The following KMT2D variants were observed in gnomAD, a reference collection of about 807,000 sequenced individuals.
The protein encoded by KMT2D is lysine methyltransferase 2D.
In KMT2D, 55 loss-of-function variants were observed where a neutral mutation model predicts 512.7. The ratio of observed to expected loss-of-function variants is 0.11; its 90% CI spans 0.09 to 0.13. The LOEUF (loss-of-function observed/expected upper bound fraction) is 0.13. Ranked by LOEUF, KMT2D falls within the 10% of genes least tolerant of loss-of-function variation. KMT2D has a pLI of 1.00. For synonymous variants in KMT2D, 2,995 were observed against 2,904.0 expected (o/e 1.03, Z -1.01); for missense variants, 6,061 against 7,127.9 (o/e 0.85, Z 5.39).
Position 49,020,117 on chromosome 12 carries a change from A to C in KMT2D, c.*1663T>G. ...CCCCAGGAAGAGGTTCAACTGCAGC[A>C]CAAGCTTGGGCAGAAAGGGGAAGGA... On this transcript the variant is annotated 3_prime_UTR_variant, in exon 55 of 55. Coordinates refer to ENST00000301067, the MANE Select transcript of KMT2D (RefSeq NM_003482.4). 1 of 187,768 alleles carries C rather than the reference A, an allele frequency of 5.3e-6. No homozygotes were observed. The highest frequency in any genetic ancestry group is 2.3e-5 in the African/African-American group (1 of 42,834). The allele number at this position is 187,768 out of a possible 1,614,324, so 11.6% of individuals were successfully genotyped here. A position where few individuals can be genotyped will look rare whatever the true frequency, so the allele number is the denominator to read the frequency against.
In KMT2D at chr12:49,044,798, G is replaced by A. The variant is rs745619714; in HGVS notation, c.4909C>T (p.Pro1637Ser). 6.2e-7 allele frequency: 1 copy of A among 1,614,006 alleles called. No homozygotes were observed. The highest frequency in any genetic ancestry group is 1.1e-5 in the South Asian group (1 of 91,086). Residue 1637 changes from proline to serine, a missense_variant, in exon 20 of 55, where the codon CCT (proline) becomes TCT (serine). Physicochemically the swap from Pro to Ser is moderately conservative, Grantham distance 74. Coordinates refer to ENST00000301067, the MANE Select transcript of KMT2D (RefSeq NM_003482.4). This position sits in a 1 kb window ranked among gnomAD's most constrained non-coding sequence, Gnocchi z 6.4. ...AGGTCCCCATCCTTCTTGTCATCAGGGCCAAGGGCATCTGAGGGCTCAGAA... is the reference window on the plus strand; with the variant it reads ...AGGTCCCCATCCTTCTTGTCATCAGAGCCAAGGGCATCTGAGGGCTCAGAA... ...EGSEPSDALG[P>S]DDKKDGDLDT...
chr12:49,032,100 T>C lies in KMT2D; in HGVS notation c.12605A>G (p.Gln4202Arg), dbSNP rs1276517318. The C allele has an allele frequency of 1.9e-6, 3 of 1,613,836 alleles. No individual in the cohort carries two copies. The highest frequency in any genetic ancestry group is 1.1e-5 in the South Asian group (1 of 91,088). ...CTGTGGGTTTTTGGCCAGGACTCCT[T>C]GGAGCTGTGCTCGAAGCTGACCCAC... The part of the protein sequence containing the change: ...PTVGQLRAQL[Q>R]GVLAKNPQLR... The change falls in exon 40 of 55, where the codon CAA (glutamine) becomes CGA (arginine). Residue 4202 changes from glutamine to arginine, a missense_variant. By Grantham distance (43) the Gln-to-Arg change is conservative. Transcript: ENST00000301067.
At position 49,027,240 on chromosome 12, in the gene KMT2D, G is replaced by T; in HGVS notation, c.14726C>A (p.Pro4909Gln). 1 of 1,551,538 alleles carries T rather than the reference G, an allele frequency of 6.4e-7. No individual in the cohort carries two copies. The highest frequency in any genetic ancestry group is 8.7e-7 in the Non-Finnish European group (1 of 1,152,304). Residue 4909 changes from proline (P) to glutamine (Q), a missense_variant, in exon 49 of 55, where the codon CCA becomes CAA. Physicochemically the swap from Pro to Gln is moderately conservative, Grantham distance 76. This residue lies in a region of KMT2D where 1,600 missense variants were observed against 1,754.9 expected (regional missense o/e 0.91). Coordinates refer to ENST00000301067, the MANE Select transcript of KMT2D (RefSeq NM_003482.4). ...GGGCGGGGAGGGTTCTTCAGGAGGT[G>T]GGGCCGAGAGCTGTCGCACATCCAG... ...SNLDVRQLSA[P>Q]PPEEPSPPPS...
intron 45 of KMT2D, 36 bp from the exon 46 acceptor site, chr12:49,028,994 C>T (rs544428492): frequency 3.0e-5 from 49 of 1,610,554 alleles, no homozygotes; most frequent in South Asian, 1.4e-4. Flanking sequence ...AACACTTGGC[C>T]GCCTCTCCCC....
Position 49,031,821 on chromosome 12 carries a change from G to A in KMT2D, c.12884C>T (p.Ala4295Val), listed in dbSNP as rs2120425345. The A allele has an allele frequency of 1.3e-6, 2 of 1,566,672 alleles. No homozygotes were observed. Among genetic ancestry groups the A allele is most frequent in the Non-Finnish European group, 1.7e-6 (2 of 1,155,754 alleles). The change falls in exon 40 of 55, where the codon GCC (alanine) becomes GTC (valine). Residue 4295 changes from alanine to valine, a missense_variant. Transcript: ENST00000301067. ...GCCAAGGACTGGTCCTGTAGATAAG[G>A]CTCCTGGTGGGGCAGGGAGCCGGGG... ...GPPRLPAPPG[A>V]LSTGPVLGPV...
In KMT2D at chr12:49,054,159, A is replaced by T. The variant is rs2120705341; in HGVS notation, c.511-19T>A. On this transcript the variant is annotated intron_variant, in intron 5 of 54. Transcript: ENST00000301067. This position sits in a 1 kb window ranked among gnomAD's most constrained non-coding sequence, Gnocchi z 6.4. ...AGCAGCGCTGCCAGGGTGAAAAAAG[A>T]GCCTCAGTGTCAGCCAGCTCTCCCC... 6.3e-7 allele frequency: 1 copy of T among 1,578,742 alleles called. No homozygotes were observed. The highest frequency in any genetic ancestry group is 8.6e-7 in the Non-Finnish European group (1 of 1,161,294).
Position 49,033,510 on chromosome 12 carries a change from T to C in KMT2D, c.11195A>G (p.Gln3732Arg), listed in dbSNP as rs886049477. 1 of 1,613,608 alleles carries C rather than the reference T, an allele frequency of 6.2e-7. No individual in the cohort carries two copies. The highest frequency in any genetic ancestry group is 8.5e-7 in the Non-Finnish European group (1 of 1,179,772). ...CTGCTGCTGCTGCTGCTGCAGTTTC[T>C]GGGCCAGCTGCATACGTTGCTGCTG... ...QLQQQRMQLA[Q>R]KLQQQQQQQQ... The change falls in exon 40 of 55, where the codon CAG becomes CGG. Residue 3732 changes from glutamine (Q) to arginine (R), a missense_variant. Gln to Arg is a conservative substitution (Grantham distance 43). Around this residue, in one of 16 missense-constraint regions of KMT2D, gnomAD observed 1,600 missense variants for 1,754.9 expected, o/e 0.91. Transcript: ENST00000301067.
Position 49,059,692 on chromosome 12 carries a change from A to T in KMT2D, c.-117T>A, listed in dbSNP as rs1265518580. The T allele has an allele frequency of 1.3e-5, 2 of 151,714 alleles. No individual in the cohort carries two copies. The highest frequency in any genetic ancestry group is 4.9e-5 in the African/African-American group (2 of 41,192). The allele number at this position is 151,714 out of a possible 1,614,324, so 9.4% of individuals were successfully genotyped here. ...CCGCTCCCCGACCTCCAACCGCCAG[A>T]GCGATCACAGCCGCCCCCCGCACGG... On this transcript the variant is annotated 5_prime_UTR_variant, in exon 1 of 55. Coordinates refer to ENST00000301067, the MANE Select transcript of KMT2D (RefSeq NM_003482.4).
Position 49,018,989 on chromosome 12 carries a change from T to C in KMT2D, c.*2791A>G. ...GACGGAGCCGCTTGTATTTAAAATG[T>C]TCTTTTTTTATTTGTCGTTTAAAAA... On this transcript the variant is annotated 3_prime_UTR_variant, in exon 55 of 55. Transcript: ENST00000301067. 5 of 1,406,890 alleles carry C rather than the reference T, an allele frequency of 3.6e-6. No individual in the cohort carries two copies. Among genetic ancestry groups the C allele is most frequent in the Non-Finnish European group, 3.7e-6 (4 of 1,084,678 alleles). 87.2% of individuals were successfully genotyped at this position (1,406,890 alleles called of 1,614,324 possible). A position where few individuals can be genotyped will look rare whatever the true frequency, so the allele number is the denominator to read the frequency against.
chr12:49,047,499 C>T lies in KMT2D; in HGVS notation c.4236+466G>A, dbSNP rs184268046. On this transcript the variant is annotated intron_variant, in intron 15 of 54. Transcript: ENST00000301067. ...GTGGCGTGATCTCGGCTCACTGCAACCTCCGCCTCCTGGGTTCAAGCAATT... is the reference window on the plus strand; with the variant it reads ...GTGGCGTGATCTCGGCTCACTGCAATCTCCGCCTCCTGGGTTCAAGCAATT... Among the ~76,000 whole-genome samples, 25 of 148,264 alleles carry T rather than the reference C, an allele frequency of 1.7e-4. No homozygotes were observed. In the East Asian group the frequency reaches 3.8e-3, roughly 23 times the overall value.
intron 49 of KMT2D, among the ~76,000 whole-genome samples, chr12:49,025,683 G>A (rs1324038157): frequency 6.6e-6 from 1 of 152,174 alleles, no homozygotes; most frequent in Middle Eastern, 3.2e-3. Context: ...CATAATCGTA[G>A]TATAATACTT....
At chr12:49,058,947 G>T (rs1938573915) in intron 1 of KMT2D, among the ~76,000 whole-genome samples, 1 of 152,184 alleles carries the variant, frequency 6.6e-6, no homozygotes, top group Non-Finnish European at 1.5e-5. Flanking sequence ...ACAGCACTCG[G>T]CCTCACTGGG....
rs1192822651 is a variant in KMT2D at position 49,043,621 on chromosome 12, C to G, written c.5467+14G>C. On this transcript the variant is annotated intron_variant, in intron 24 of 54. Transcript: ENST00000301067. ...GTTGGATTCTCTCACACCACTCACT[C>G]CCACATAACTAACCTTTCTGCGATG... 1 of 1,613,758 alleles carries G rather than the reference C, an allele frequency of 6.2e-7. No homozygotes were observed. The highest frequency in any genetic ancestry group is 8.5e-7 in the Non-Finnish European group (1 of 1,179,782).
intron 39 of KMT2D, 41 bp from the exon 40 acceptor site, chr12:49,034,005 C>T (rs1943088073): frequency 2.6e-6 from 4 of 1,561,334 alleles, no homozygotes; most frequent in Non-Finnish European, 3.5e-6. Flanking sequence ...GGGGCATGCT[C>T]CCCCCATGCC....
At position 49,044,107 on chromosome 12, in the gene KMT2D, C is replaced by T; in HGVS notation, c.5188+93G>A. 1.3e-6 allele frequency: 2 copies of T among 1,584,742 alleles called. No individual in the cohort carries two copies. On this transcript the variant is annotated intron_variant, in intron 22 of 54. Coordinates refer to ENST00000301067, the MANE Select transcript of KMT2D (RefSeq NM_003482.4). The surrounding 1 kb of genome is among the most constrained non-coding windows in gnomAD (Gnocchi z 6.4). ...CCCACAACACCAGCTGGGTCTACCA[C>T]CCTCTTGGCCCTTTCAATGAGTCCA...
rs2120605512 is a variant in KMT2D at position 49,046,391 on chromosome 12, G to A, written c.4452C>T (p.Ser1484=). The A allele has an allele frequency of 6.2e-7, 1 of 1,613,954 alleles. No individual in the cohort carries two copies. ...CVSCMQCGAA[S]PGFHCEWQNS... The stretch of plus-strand genomic sequence containing the variant: ...TCTGCCATTCACAGTGGAAGCCAGG[G>A]GAAGCAGCCCCACACTGCATACAGG... The change falls in exon 17 of 55, where the codon TCC becomes TCT. Residue 1484 remains serine (S), a synonymous_variant. Transcript: ENST00000301067. This position sits in a 1 kb window ranked among gnomAD's most constrained non-coding sequence, Gnocchi z 4.2.
rs1023082893 is a variant in KMT2D at position 49,029,683 on chromosome 12, T to G, written c.14000-207A>C. 8.6e-5 allele frequency among the ~76,000 whole-genome samples: 13 copies of G among 151,708 alleles called. No individual in the cohort carries two copies. In the South Asian group the frequency reaches 1.0e-3, roughly 12 times the overall value. On this transcript the variant is annotated intron_variant, in intron 43 of 54. Coordinates refer to ENST00000301067, the MANE Select transcript of KMT2D (RefSeq NM_003482.4). ...GTTGTTTTTTGTTTTTTTTGTTTTT[T>G]TTTTTTTTTTCCCGTAGAGATGGGG... is the stretch of plus-strand genomic sequence containing the variant.
rs755198691 is a variant in KMT2D, at chr12:49,053,503, G to C, written c.812C>G (p.Pro271Arg). ...GCAGGCTTGGCACACTTTGCATTCA[G>C]GGCACTGCCAGCCAGCACGTTTGCG... is the stretch of plus-strand genomic sequence containing the variant. ...TARKRAGWQC[P>R]ECKVCQACRK... is the part of the protein sequence containing the mutation. Residue 271 changes from proline (P) to arginine (R), a missense_variant, in exon 7 of 55, where the codon CCT becomes CGT. This residue lies in a region of KMT2D where 160 missense variants were observed against 225.8 expected (regional missense o/e 0.71). Coordinates refer to ENST00000301067, the MANE Select transcript of KMT2D (RefSeq NM_003482.4). 37 of 1,609,308 alleles carry C rather than the reference G, an allele frequency of 2.3e-5. No homozygotes were observed. Among genetic ancestry groups the C allele is most frequent in the Non-Finnish European group, 3.1e-5 (37 of 1,177,768 alleles).
rs1942321069 is a variant in KMT2D, at chr12:49,021,400, T to C, written c.*380A>G. On this transcript the variant is annotated 3_prime_UTR_variant, in exon 55 of 55. Transcript: ENST00000301067. ...CCGTGAGTTGGGCCGGAGAGGTCAG[T>C]GGGAGCAGCAGGGCTGTGAGGCCCG... 3.3e-6 allele frequency: 1 copy of C among 304,634 alleles called. No individual in the cohort carries two copies. Among genetic ancestry groups the C allele is most frequent in the Non-Finnish European group, 6.1e-6 (1 of 162,978 alleles). The allele number at this position is 304,634 out of a possible 1,614,324, so 18.9% of individuals were successfully genotyped here.
Sources: allele counts gnomAD v4.1 joint callset (sites outside exome capture counted in the v4.1 genomes callset), GRCh38; gene constraint gnomAD v4.1.1; regional missense constraint gnomAD v4.1.1; non-coding constraint Gnocchi (gnomAD v3.1); transcripts MANE v1.5; gene names NCBI Gene and HGNC (gene_info 2026-07-23, HGNC 2026-07-21).